Variants in ADGRG1 observed in about 807,000 individuals in gnomAD.
The protein encoded by ADGRG1 is adhesion G protein-coupled receptor G1.
A neutral mutation model predicts 73.5 loss-of-function variants in ADGRG1; 53 were observed. The observed-to-expected ratio is 0.72, with a 90% CI of 0.58 to 0.91. The LOEUF is 0.91. Among genes scored for constraint, ADGRG1 ranks in the 40% least tolerant of loss-of-function variants. The probability of loss-of-function intolerance (pLI) is 0.00; values close to 1 mark genes in which losing one functional copy is unlikely to be tolerated. For synonymous variants in ADGRG1, 394 were observed against 374.4 expected, an observed-to-expected ratio of 1.05 and a Z score of -0.60; for missense variants, 795 against 871.8, an observed-to-expected ratio of 0.91 and a Z score of 1.11.
chr16:57,634,018 A>G (rs2038704692), intron 1 of ADGRG1: 2 of 943,320 alleles, frequency 2.1e-6, no homozygotes, highest in South Asian at 9.8e-5. Flanking sequence ...TGGAGCCATT[A>G]CCCACAGAAC....
intron 5 of ADGRG1, 111 bp from the exon 6 acceptor site, chr16:57,655,288 C>T: frequency 6.3e-7 from 1 of 1,580,904 alleles, no homozygotes; most frequent in Non-Finnish European, 8.6e-7. Context: ...AAGAAATGGG[C>T]TTAGAAGTGG....
chr16:57,637,977 C>T (rs573921500), intron 1 of ADGRG1, among the ~76,000 whole-genome samples: 32 of 152,334 alleles, frequency 2.1e-4, no homozygotes, highest in Non-Finnish European at 3.7e-4. Flanking sequence ...GGCCTGGAAC[C>T]GAAAACCTCG....
At chr16:57,638,899 G>A (rs570678771) in intron 1 of ADGRG1, among the ~76,000 whole-genome samples, 4 of 152,076 alleles carry the variant, frequency 2.6e-5, no homozygotes, top group Admixed American at 6.5e-5. Context: ...GTGAAACCCC[G>A]TCTCTACTAA....
chr16:57,650,922 A>G (rs949104686), intron 2 of ADGRG1: 24 of 231,608 alleles, frequency 1.0e-4, no homozygotes, highest in African/African-American at 5.1e-4. Flanking sequence ...TTTAGCCGGG[A>G]TGGTCTCGAT....
intron 1 of ADGRG1, chr16:57,641,744 GT>G: frequency 5.4e-6 from 1 of 183,652 alleles, no homozygotes; most frequent in Non-Finnish European, 1.0e-5. Flanking sequence ...TTGTTTGTTT[GT>G]TTAGAGATAG....
At position 57,654,421 on chromosome 16, in the gene ADGRG1, C is replaced by G. The variant is rs12597777; in HGVS notation, c.768+288C>G. On this transcript the variant is annotated intron_variant, in intron 5 of 13. Transcript: ENST00000562631. The stretch of plus-strand genomic sequence containing the variant: ...CGCCTGTCCACGCACCCCCCCCCCC[C>G]GTTTTTTTTTTTTCGAGACAGGGTC... 0.6 allele frequency among the ~76,000 whole-genome samples: 68,078 copies of G among 113,914 alleles called. 19,806 individuals are homozygous for G. The highest frequency in any genetic ancestry group is 0.7 in the African/African-American group (21,065 of 30,078). 74.7% of individuals were successfully genotyped at this position (113,914 alleles called of 152,430 possible).
chr16:57,627,115 C>T, upstream of ADGRG1: 1 of 959,590 alleles, frequency 1.0e-6, no homozygotes, highest in Non-Finnish European at 1.2e-6. Context: ...CCCTGCACCC[C>T]ACGGGGTGGC....
chr16:57,648,313 A>G, intron 1 of ADGRG1: 1 of 255,882 alleles, frequency 3.9e-6, no homozygotes, highest in Non-Finnish European at 6.1e-6. Context: ...GGCAGGAGGC[A>G]GTTTCAAAAG....
At chr16:57,659,738 A>T in intron 11 of ADGRG1, 57 bp downstream of exon 11, 1 of 1,594,902 alleles carries the variant, frequency 6.3e-7, no homozygotes, top group Non-Finnish European at 8.6e-7. Context: ...GCTCTGGCAA[A>T]ACCCAGGCAC....
Position 57,656,680 on chromosome 16 carries a change from A to G in ADGRG1, c.1167+63A>G. On this transcript the variant is annotated intron_variant, in intron 9 of 13. Transcript: ENST00000562631. The stretch of plus-strand genomic sequence containing the variant: ...GGCCGTGTGCTTGTTCTGTGCAAGC[A>G]CTTTTCATATATTCAGTCATTTATT... The G allele has an allele frequency of 3.1e-6, 3 of 973,014 alleles. No individual in the cohort carries two copies. In the East Asian group the frequency reaches 7.1e-5, roughly 23 times the overall value. The allele number at this position is 973,014 out of a possible 1,614,324, so 60.3% of individuals were successfully genotyped here. A position where few individuals can be genotyped will look rare whatever the true frequency, so the allele number is the denominator to read the frequency against.
intron 1 of ADGRG1, chr16:57,635,204 AC>A: frequency 1.0e-6 from 1 of 985,206 alleles, no homozygotes; most frequent in Non-Finnish European, 1.2e-6. Context: ...CCTGCCCCCC[AC>A]CTGCCTAGAG....
intron 8 of ADGRG1, 60 bp from the exon 9 acceptor site, chr16:57,656,454 G>A: frequency 6.3e-7 from 1 of 1,587,174 alleles, no homozygotes; most frequent in South Asian, 1.1e-5. Flanking sequence ...TTTGGGGGTG[G>A]ACACAGTGGG....
chr16:57,626,804 G>A, upstream of ADGRG1: 6 of 983,380 alleles, frequency 6.1e-6, no homozygotes, highest in Non-Finnish European at 7.2e-6. Flanking sequence ...CAGTTGATCA[G>A]GCCCTGAAGG....
At chr16:57,623,406 A>G (rs548545773), upstream of ADGRG1, among the ~76,000 whole-genome samples, 4 of 152,232 alleles carry the variant, frequency 2.6e-5, no homozygotes. Flanking sequence ...CAAGGGAGCC[A>G]GTTAGATGGA....
Position 57,659,696 on chromosome 16 carries a change from G to C in ADGRG1, c.1555+15G>C, listed in dbSNP as rs75843478. The stretch of plus-strand genomic sequence containing the variant: ...CATGGGCTGGGGTAAGTGGTTGGGC[G>C]GGGGGTGCCTCAGACCTGCCTCTCC... On this transcript the variant is annotated intron_variant, in intron 11 of 13. Coordinates refer to ENST00000562631, the MANE Select transcript of ADGRG1 (RefSeq NM_201525.4). 22,306 of 1,611,888 alleles carry C rather than the reference G, an allele frequency of 0.014. 1,273 individuals are homozygous for C. The East Asian group carries it at 0.19, about 14-fold the overall frequency.
intron 1 of ADGRG1, chr16:57,639,306 G>A: frequency 1.0e-6 from 1 of 985,544 alleles, no homozygotes; most frequent in Non-Finnish European, 1.2e-6. Flanking sequence ...CTTGGGAACA[G>A]GACAAGTTAC....
chr16:57,649,679 A>G (rs1232807441), intron 1 of ADGRG1, among the ~76,000 whole-genome samples: 2 of 152,106 alleles, frequency 1.3e-5, no homozygotes, highest in Non-Finnish European at 2.9e-5. Context: ...GGAGGGAGGT[A>G]CTACGATTAG....
At chr16:57,645,759 A>G (rs1778718313) in intron 1 of ADGRG1, among the ~76,000 whole-genome samples, 1 of 152,164 alleles carries the variant, frequency 6.6e-6, no homozygotes, top group Non-Finnish European at 1.5e-5. Context: ...TCACTCCCAG[A>G]GGAAGGTCTG....
intron 1 of ADGRG1, chr16:57,633,013 C>T: frequency 1.1e-6 from 1 of 917,980 alleles, no homozygotes; most frequent in Non-Finnish European, 1.3e-6. Context: ...CCCCTCCCGT[C>T]CCCAGGTCTC....
Sources: gnomAD v4.1 joint callset for allele counts (sites outside exome capture counted in the v4.1 genomes callset) on GRCh38, gnomAD v4.1.1 for gene constraint, MANE v1.5 for transcripts, NCBI Gene and HGNC (gene_info 2026-07-23, HGNC 2026-07-21) for gene names.